CHST11: variants seen among roughly 807,000 people sequenced by gnomAD.
The protein encoded by CHST11 is C4S-1.
In CHST11, 9 loss-of-function variants were observed where a neutral mutation model predicts 30.4. The ratio of observed to expected loss-of-function variants is 0.30; its 90% CI spans 0.18 to 0.52. The LOEUF (loss-of-function observed/expected upper bound fraction) is 0.52. Among genes scored for constraint, CHST11 ranks in the 20% least tolerant of loss-of-function variants. CHST11 has a pLI of 0.97. For synonymous variants in CHST11, 152 were observed against 187.8 expected (o/e 0.81, Z 1.56); for missense variants, 348 against 460.6 (o/e 0.76, Z 2.24).
chr12:104,624,927 CTCT>C (rs2039197605), intron 2 of CHST11, among the ~76,000 whole-genome samples: 1 of 152,226 alleles, frequency 6.6e-6, no homozygotes, highest in Non-Finnish European at 1.5e-5. Flanking sequence ...CTCCTGGTTT[CTCT>C]TCTTATAAGG....
chr12:104,501,570 C>A (rs2037854468), intron 1 of CHST11, among the ~76,000 whole-genome samples: 2 of 152,160 alleles, frequency 1.3e-5, no homozygotes, highest in African/African-American at 4.8e-5. Context: ...CTCATTTGAC[C>A]TGCAAAATGG....
chr12:104,728,997 G>T (rs2040236222), intron 2 of CHST11, among the ~76,000 whole-genome samples: 1 of 152,166 alleles, frequency 6.6e-6, no homozygotes, highest in South Asian at 2.1e-4. Context: ...ACCCCAAAAA[G>T]CTGGGAAAAC....
rs1195791519 is a variant in CHST11, at chr12:104,757,509, C to A, written c.765C>A (p.Phe255Leu). ...CACACACCCAGCGGGAGGAGCCTTT[C>A]AACGAACACTGGCAAACCGTCTACT... Reference protein sequence around the residue: ...IDPHTQREEPFNEHWQTVYSL... With the variant: ...IDPHTQREEPLNEHWQTVYSL... Residue 255 changes from phenylalanine (F) to leucine (L), a missense_variant, in exon 3 of 3, where the codon TTC becomes TTA. Around this residue, in one of 3 missense-constraint regions of CHST11, gnomAD observed 210 missense variants for 287.2 expected, o/e 0.73. Coordinates refer to ENST00000303694, the MANE Select transcript of CHST11 (RefSeq NM_018413.6). The surrounding 1 kb of genome is among the most constrained non-coding windows in gnomAD (Gnocchi z 6.5). 16 of 1,614,046 alleles carry A rather than the reference C, an allele frequency of 9.9e-6. No individual in the cohort carries two copies. Among genetic ancestry groups the A allele is most frequent in the Non-Finnish European group, 1.4e-5 (16 of 1,180,046 alleles).
At chr12:104,697,052 A>G (rs1029565168) in intron 2 of CHST11, among the ~76,000 whole-genome samples, 4 of 152,064 alleles carry the variant, frequency 2.6e-5, no homozygotes, top group African/African-American at 9.7e-5. Context: ...CCATTTTTTT[A>G]TCATTATGAA....
At chr12:104,753,405 T>C (rs549849967) in intron 2 of CHST11, among the ~76,000 whole-genome samples, 1 of 152,348 alleles carries the variant, frequency 6.6e-6, no homozygotes, top group South Asian at 2.1e-4. Flanking sequence ...ACTCACCCAG[T>C]CAGTGTTAGG....
chr12:104,713,477 G>T (rs970653065), intron 2 of CHST11, among the ~76,000 whole-genome samples: 1 of 152,114 alleles, frequency 6.6e-6, no homozygotes, highest in Admixed American at 6.5e-5. Context: ...GAACCAGGGT[G>T]TGTATAGCCA....
chr12:104,559,711 C>T (rs995979592), intron 1 of CHST11, among the ~76,000 whole-genome samples: 1 of 151,906 alleles, frequency 6.6e-6, no homozygotes, highest in African/African-American at 2.4e-5. Flanking sequence ...TCATTGCACT[C>T]CAGCCTGGGC....
chr12:104,555,781 C>G (rs570532548), intron 1 of CHST11, among the ~76,000 whole-genome samples: 19 of 152,270 alleles, frequency 1.2e-4, no homozygotes, highest in Admixed American at 8.5e-4. Context: ...CATTAAACAG[C>G]TTGTCCCTGA....
chr12:104,578,501 A>C (rs1622100), intron 1 of CHST11, among the ~76,000 whole-genome samples: 43,228 of 151,992 alleles, frequency 0.28, 6,371 homozygotes, highest in Middle Eastern at 0.4. Flanking sequence ...TTGCATTTTC[A>C]GAACCCCCTG....
chr12:104,489,782 C>T (rs1183820750), intron 1 of CHST11, among the ~76,000 whole-genome samples: 1 of 152,200 alleles, frequency 6.6e-6, no homozygotes, highest in Non-Finnish European at 1.5e-5. Flanking sequence ...TATCCTTAAA[C>T]ATGAATTTAG....
At chr12:104,702,201 C>G (rs1010223043) in intron 2 of CHST11, among the ~76,000 whole-genome samples, 29 of 152,214 alleles carry the variant, frequency 1.9e-4, no homozygotes. Context: ...TTGCCCATTT[C>G]AAAGAAATCC....
At chr12:104,639,198 T>C (rs560136355) in intron 2 of CHST11, among the ~76,000 whole-genome samples, 2 of 152,326 alleles carry the variant, frequency 1.3e-5, no homozygotes, top group South Asian at 2.1e-4. Context: ...ATAACCCATG[T>C]TGGCATTTCT....
intron 1 of CHST11, among the ~76,000 whole-genome samples, chr12:104,478,111 A>G (rs1045038974): frequency 6.6e-5 from 10 of 152,060 alleles, no homozygotes; most frequent in Non-Finnish European, 1.2e-4. Flanking sequence ...AGGGAGAGAA[A>G]AACCAAAGCA....
Position 104,629,136 on chromosome 12 carries a change from C to T in CHST11, c.204+27145C>T, listed in dbSNP as rs145986401. ...AAGTGCTCTAGAATCAGGCTGCCTG[C>T]ATTTGTATTCCAGCCCTGCCTCTTA... On this transcript the variant is annotated intron_variant, in intron 2 of 2. Coordinates refer to ENST00000303694, the MANE Select transcript of CHST11 (RefSeq NM_018413.6). Among the ~76,000 whole-genome samples, 130 of 152,342 alleles carry T rather than the reference C, an allele frequency of 8.5e-4. 1 individual carries two copies. Among genetic ancestry groups the T allele is most frequent in the Middle Eastern group, 3.4e-3 (1 of 294 alleles).
intron 2 of CHST11, among the ~76,000 whole-genome samples, chr12:104,750,605 G>A (rs990075548): frequency 1.3e-4 from 19 of 150,800 alleles, no homozygotes; most frequent in African/African-American, 4.6e-4. Context: ...CACCATGCCC[G>A]GCTAATTTTT....
intron 1 of CHST11, among the ~76,000 whole-genome samples, chr12:104,537,433 C>T (rs1419455663): frequency 3.3e-5 from 5 of 152,124 alleles, no homozygotes; most frequent in African/African-American, 1.2e-4. Flanking sequence ...GCTCTGAGGT[C>T]CAATGACTTG....
intron 2 of CHST11, among the ~76,000 whole-genome samples, chr12:104,684,258 GGATGGA>G (rs2039824711): frequency 5.6e-5 from 2 of 35,526 alleles, no homozygotes; most frequent in Non-Finnish European, 2.0e-4. Flanking sequence ...TACAAAATGT[GGATGGA>G]TGGATGGATG....
At chr12:104,725,293 A>G (rs1354642174) in intron 2 of CHST11, among the ~76,000 whole-genome samples, 1 of 152,192 alleles carries the variant, frequency 6.6e-6, no homozygotes, top group Non-Finnish European at 1.5e-5. Flanking sequence ...TTATGAATTA[A>G]AGATGACCAT....
chr12:104,459,400 T>C (rs995896799), intron 1 of CHST11, among the ~76,000 whole-genome samples: 7 of 152,220 alleles, frequency 4.6e-5, no homozygotes, highest in African/African-American at 1.7e-4. Context: ...GTCTAGACTC[T>C]AGAGCTGTGT....
Sources: allele counts gnomAD v4.1 joint callset (sites outside exome capture counted in the v4.1 genomes callset), GRCh38; gene constraint gnomAD v4.1.1; regional missense constraint gnomAD v4.1.1; non-coding constraint Gnocchi (gnomAD v3.1); transcripts MANE v1.5; gene names NCBI Gene and HGNC (gene_info 2026-07-23, HGNC 2026-07-21).